GABRG3: variants seen among roughly 807,000 people sequenced by gnomAD.
The protein encoded by GABRG3 is gamma-aminobutyric acid receptor subunit gamma-3.
GABRG3 carries 25 observed loss-of-function variants against 48.8 expected under a neutral mutation model. The ratio of observed to expected loss-of-function variants is 0.51; its 90% CI spans 0.37 to 0.72. The LOEUF (loss-of-function observed/expected upper bound fraction) is 0.72, where lower values mean the gene tolerates loss of function less well. GABRG3 is among the 30% of genes least tolerant of loss of function. The pLI, the probability that GABRG3 is intolerant of heterozygous loss-of-function variation, is 0.00. For synonymous variants in GABRG3, 227 were observed against 217.6 expected, an observed-to-expected ratio of 1.04 and a Z score of -0.38; for missense variants, 394 against 577.9, an observed-to-expected ratio of 0.68 and a Z score of 3.26.
At chr15:26,986,317 T>C (rs894429500) in intron 2 of GABRG3, among the ~76,000 whole-genome samples, 4 of 152,200 alleles carry the variant, frequency 2.6e-5, no homozygotes, top group African/African-American at 9.6e-5. Context: ...AGTTAACTGA[T>C]TCTCTCACAA....
At chr15:27,220,004 A>T (rs773248180) in intron 3 of GABRG3, among the ~76,000 whole-genome samples, 1 of 152,162 alleles carries the variant, frequency 6.6e-6, no homozygotes, top group Admixed American at 6.5e-5. Context: ...CTCACCCAGC[A>T]TGCAGACAAG....
At chr15:27,167,276 A>G (rs1887408438) in intron 3 of GABRG3, among the ~76,000 whole-genome samples, 2 of 152,142 alleles carry the variant, frequency 1.3e-5, no homozygotes, top group Non-Finnish European at 2.9e-5. Flanking sequence ...TAAGAAGTAC[A>G]TTTGTCTTTT....
At chr15:27,256,501 G>C in intron 3 of GABRG3, among the ~76,000 whole-genome samples, 1 of 145,656 alleles carries the variant, frequency 6.9e-6, no homozygotes, top group East Asian at 2.2e-4. Flanking sequence ...GGTAGGGGGG[G>C]CGGGGAGAAG....
At chr15:27,248,279 G>T (rs1300275504) in intron 3 of GABRG3, among the ~76,000 whole-genome samples, 5 of 152,142 alleles carry the variant, frequency 3.3e-5, no homozygotes, top group Non-Finnish European at 7.4e-5. Context: ...CTAGGAGCAG[G>T]TGCCCTGGAA....
rs1027485497 is a variant in GABRG3 at position 27,141,087 on chromosome 15, T to G, written c.270+114266T>G. Among the ~76,000 whole-genome samples the G allele has an allele frequency of 1.6e-4, 25 of 152,172 alleles. 1 individual carries two copies. Among genetic ancestry groups the G allele is most frequent in the Non-Finnish European group, 1.5e-5 (1 of 68,040 alleles). The stretch of plus-strand genomic sequence containing the variant: ...ATGCCCTGCCTTAGAGGTAGTGTTT[T>G]GGGTGGAATAGTGGTGGATAGAAGC... On this transcript the variant is annotated intron_variant, in intron 3 of 9. Coordinates refer to ENST00000615808, the MANE Select transcript of GABRG3 (RefSeq NM_033223.5).
chr15:27,276,717 T>G (rs1891265863), intron 3 of GABRG3, among the ~76,000 whole-genome samples: 1 of 152,166 alleles, frequency 6.6e-6, no homozygotes, highest in African/African-American at 2.4e-5. Flanking sequence ...GCCTTCTTGC[T>G]CATAGCATCT....
At chr15:27,235,056 A>G (rs1889913504) in intron 3 of GABRG3, among the ~76,000 whole-genome samples, 1 of 152,198 alleles carries the variant, frequency 6.6e-6, no homozygotes, top group Admixed American at 6.5e-5. Flanking sequence ...CCAAGTAATG[A>G]GAGAGAAATG....
intron 3 of GABRG3, among the ~76,000 whole-genome samples, chr15:27,285,651 A>G (rs367752651): frequency 6.6e-6 from 1 of 152,208 alleles, no homozygotes; most frequent in Non-Finnish European, 1.5e-5. Context: ...TAAGCTGTTA[A>G]TATTAGGATG....
intron 5 of GABRG3, among the ~76,000 whole-genome samples, chr15:27,344,412 G>T (rs1894295881): frequency 6.6e-6 from 1 of 152,132 alleles, no homozygotes; most frequent in South Asian, 2.1e-4. Context: ...TAGTGTGCAG[G>T]CAAGCTCATT....
intron 5 of GABRG3, among the ~76,000 whole-genome samples, chr15:27,471,341 A>G (rs1441848019): frequency 6.6e-6 from 1 of 152,216 alleles, no homozygotes; most frequent in Non-Finnish European, 1.5e-5. Context: ...AGGTTCCACT[A>G]TAGTGATGTT....
chr15:27,442,205 C>G (rs1187105168), intron 5 of GABRG3, among the ~76,000 whole-genome samples: 1 of 152,148 alleles, frequency 6.6e-6, no homozygotes, highest in Non-Finnish European at 1.5e-5. Flanking sequence ...AAGCCGGGCT[C>G]TTGGTCTCAG....
chr15:27,050,159 A>G (rs1285730064), intron 3 of GABRG3, among the ~76,000 whole-genome samples: 2 of 152,196 alleles, frequency 1.3e-5, no homozygotes, highest in African/African-American at 4.8e-5. Context: ...TAGTCTCTAT[A>G]TTGGGCATGG....
At chr15:26,997,953 C>G (rs1895371119) in intron 2 of GABRG3, among the ~76,000 whole-genome samples, 1 of 152,182 alleles carries the variant, frequency 6.6e-6, no homozygotes, top group Non-Finnish European at 1.5e-5. Context: ...TATTGTTCAT[C>G]CAGTATTTGG....
chr15:27,202,815 T>C (rs1249411645), intron 3 of GABRG3, among the ~76,000 whole-genome samples: 2 of 152,166 alleles, frequency 1.3e-5, no homozygotes, highest in Admixed American at 1.3e-4. Context: ...CTTTATCTGT[T>C]ATGTATTTTT....
Position 27,116,988 on chromosome 15 carries a change from C to T in GABRG3, c.270+90167C>T, listed in dbSNP as rs569163027. 1.7e-3 allele frequency among the ~76,000 whole-genome samples: 258 copies of T among 152,298 alleles called. 2 individuals carry two copies. In the Middle Eastern group the frequency reaches 0.017, roughly 10 times the overall value. On this transcript the variant is annotated intron_variant, in intron 3 of 9. Coordinates refer to ENST00000615808, the MANE Select transcript of GABRG3 (RefSeq NM_033223.5). ...TCATAAACTACCAAGTCTCAGGTAT[C>T]GTGTTATATCAGTACACACAGAAAG...
intron 5 of GABRG3, among the ~76,000 whole-genome samples, chr15:27,470,603 T>G (rs1889758840): frequency 6.6e-6 from 1 of 152,036 alleles, no homozygotes; most frequent in Non-Finnish European, 1.5e-5. Context: ...TTTCTACCTT[T>G]TCATCCTATT....
At chr15:27,449,738 G>A (rs915608016) in intron 5 of GABRG3, among the ~76,000 whole-genome samples, 6 of 152,182 alleles carry the variant, frequency 3.9e-5, no homozygotes, top group Admixed American at 3.3e-4. Context: ...TGACAATGAA[G>A]GCTGACTCTA....
chr15:27,300,830 G>A (rs985010682), intron 3 of GABRG3, among the ~76,000 whole-genome samples: 8 of 152,080 alleles, frequency 5.3e-5, no homozygotes, highest in African/African-American at 9.6e-5. Context: ...TGCTGGGCAC[G>A]GTGGCTCACG....
At chr15:27,346,932 T>A (rs1233829639) in intron 5 of GABRG3, among the ~76,000 whole-genome samples, 1 of 152,244 alleles carries the variant, frequency 6.6e-6, no homozygotes, top group East Asian at 1.9e-4. Context: ...TATAGGAATG[T>A]GGCTCTAATG....
Sources: gnomAD v4.1 joint callset for allele counts (sites outside exome capture counted in the v4.1 genomes callset) on GRCh38, gnomAD v4.1.1 for gene constraint, MANE v1.5 for transcripts, NCBI Gene and HGNC (gene_info 2026-07-23, HGNC 2026-07-21) for gene names.